The following SEL1L3 variants were observed in gnomAD, a reference collection of about 807,000 sequenced individuals.
SEL1L3 encodes the protein protein sel-1 homolog 3.
Under a neutral mutation model 142.8 loss-of-function variants are expected in SEL1L3, and 76 were observed. The ratio of observed to expected loss-of-function variants is 0.53; its 90% confidence interval spans 0.44 to 0.64. The LOEUF (loss-of-function observed/expected upper bound fraction) is 0.64. Among genes scored for constraint, SEL1L3 ranks in the 30% least tolerant of loss-of-function variants. The pLI, the probability that SEL1L3 is intolerant of heterozygous loss-of-function variation, is 0.00. For synonymous variants in SEL1L3, 504 were observed against 519.6 expected, an observed-to-expected ratio of 0.97 and a Z score of 0.41; for missense variants, 1,262 against 1,381.7, an observed-to-expected ratio of 0.91 and a Z score of 1.37.
intron 17 of SEL1L3, among the ~76,000 whole-genome samples, chr4:25,771,065 C>T (rs1006602505): frequency 2.0e-5 from 3 of 152,248 alleles, no homozygotes; most frequent in African/African-American, 7.2e-5. Context: ...CATATTTAGC[C>T]TTCTAGCACT....
intron 7 of SEL1L3, 60 bp from the exon 8 acceptor site, chr4:25,820,000 T>TA: frequency 6.7e-7 from 1 of 1,489,392 alleles, no homozygotes. Context: ...CATCCACCTC[T>TA]AGGAGGATGT....
chr4:25,791,555 C>T (rs1198246055), intron 11 of SEL1L3, among the ~76,000 whole-genome samples: 1 of 152,188 alleles, frequency 6.6e-6, no homozygotes, highest in Non-Finnish European at 1.5e-5. Flanking sequence ...CAAAGCCATG[C>T]CACAGGCAGA....
intron 2 of SEL1L3, among the ~76,000 whole-genome samples, chr4:25,842,820 C>T (rs189309969): frequency 1.1e-4 from 16 of 152,348 alleles, no homozygotes; most frequent in African/African-American, 3.8e-4. Flanking sequence ...CAGTGTGGGC[C>T]AGGAAATAGG....
At chr4:25,759,997 G>A (rs963455458) in intron 20 of SEL1L3, 2 of 152,058 alleles carry the variant, frequency 1.3e-5, no homozygotes, top group Admixed American at 6.6e-5. Context: ...CGTGTTATGG[G>A]GGTTTGTTGT....
the SEL1L3 span, among the ~76,000 whole-genome samples, chr4:25,741,160 A>C: frequency 6.7e-6 from 1 of 149,074 alleles, no homozygotes; most frequent in African/African-American, 2.5e-5. Flanking sequence ...ACTGGAGTGC[A>C]GTGGTGCGAT....
At position 25,795,890 on chromosome 4, in the gene SEL1L3, G is replaced by A. The variant is rs543835274; in HGVS notation, c.1957-5316C>T. ...TCCATTCATTCAAACAGTTTTGTGGGCAGGAAAAGCCGGGAAGAAGCTGTG... is the reference window on the plus strand; with the variant it reads ...TCCATTCATTCAAACAGTTTTGTGGACAGGAAAAGCCGGGAAGAAGCTGTG... On this transcript the variant is annotated intron_variant, in intron 11 of 23. Transcript: ENST00000399878. Among the ~76,000 whole-genome samples, 9 of 151,862 alleles carry A rather than the reference G, an allele frequency of 5.9e-5. 1 individual carries two copies. Among genetic ancestry groups the A allele is most frequent in the African/African-American group, 2.2e-4 (9 of 41,356 alleles).
intron 4 of SEL1L3, 124 bp downstream of exon 4, chr4:25,833,324 A>G: frequency 1.1e-6 from 1 of 908,780 alleles, no homozygotes; most frequent in Non-Finnish European, 1.7e-6. Flanking sequence ...CACATTTGGA[A>G]GTCATTGCTC....
At position 25,847,733 on chromosome 4, in the gene SEL1L3, T is replaced by A. The variant is rs1469150159; in HGVS notation, c.294A>T (p.Glu98Asp). Residue 98 changes from glutamate to aspartate, a missense_variant, in exon 2 of 24, where the codon GAA becomes GAT. By Grantham distance (45) the Glu-to-Asp change is conservative. Transcript: ENST00000399878. ...GAGAGCATAAATACTCAACCGAGAC[T>A]TCAGAAACGTTGCGAACGTTTCCTT... is the stretch of plus-strand genomic sequence containing the variant. Reference protein sequence around the residue: ...VFEGNVRNVSEVSVEYLCSQP... With the variant: ...VFEGNVRNVSDVSVEYLCSQP... 2 of 1,613,948 alleles carry A rather than the reference T, an allele frequency of 1.2e-6. No homozygotes were observed. The highest frequency in any genetic ancestry group is 1.1e-5 in the South Asian group (1 of 91,074).
chr4:25,757,815 T>G, intron 21 of SEL1L3, 25 bp from the exon 22 acceptor site: 1 of 1,540,456 alleles, frequency 6.5e-7, no homozygotes. Context: ...CAGGGCATCT[T>G]GACGTGTCAG....
intron 6 of SEL1L3, among the ~76,000 whole-genome samples, chr4:25,829,535 G>T (rs9993581): frequency 0.099 from 15,105 of 152,142 alleles, 2,433 homozygotes; most frequent in African/African-American, 0.34. Flanking sequence ...TAAAACCCAC[G>T]ATTATACGTG....
chr4:25,793,783 C>T (rs777458694), intron 11 of SEL1L3, among the ~76,000 whole-genome samples: 3 of 152,204 alleles, frequency 2.0e-5, no homozygotes, highest in Non-Finnish European at 4.4e-5. Context: ...TTCTTTTTCA[C>T]TGTGCAAAGA....
At chr4:25,826,819 A>G (rs938646168) in intron 6 of SEL1L3, among the ~76,000 whole-genome samples, 4 of 152,018 alleles carry the variant, frequency 2.6e-5, no homozygotes, top group African/African-American at 9.7e-5. Context: ...GCCCACCACC[A>G]TGCCCGGCTA....
Position 25,804,674 on chromosome 4 carries a change from A to G in SEL1L3, c.1643T>C (p.Ile548Thr), listed in dbSNP as rs754434856. ...AGAGCTAATTTGGTGAAGACCATCA[A>G]TGCTAGAGAGTCTCTTTACAGCCTT... is the stretch of plus-strand genomic sequence containing the variant. Reference protein sequence around the residue: ...FEKAVKRLSSIDGLHQISSIV... With the variant: ...FEKAVKRLSSTDGLHQISSIV... The change falls in exon 10 of 24, where the codon ATT becomes ACT. Residue 548 changes from isoleucine to threonine, a missense_variant. Transcript: ENST00000399878. 1.9e-6 allele frequency: 3 copies of G among 1,613,814 alleles called. No homozygotes were observed. The highest frequency in any genetic ancestry group is 2.5e-6 in the Non-Finnish European group (3 of 1,179,684).
In SEL1L3 at chr4:25,847,439, A is replaced by G. The variant is rs770156358; in HGVS notation, c.588T>C (p.His196=). 2.5e-6 allele frequency: 4 copies of G among 1,613,902 alleles called. No homozygotes were observed. Among genetic ancestry groups the G allele is most frequent in the Admixed American group, 1.7e-5 (1 of 60,008 alleles). ...GGAGGGTATAATTCTTTGCTACAGC[A>G]TGGAGCAAGTTTTCCTCCCATTTAA... ...WNVKWEENLL[H]AVAKNYTLLQ... Residue 196 remains histidine (H), a synonymous_variant, in exon 2 of 24, where the codon CAT becomes CAC. Transcript: ENST00000399878.
chr4:25,749,869 G>A (rs1214011534), intron 23 of SEL1L3, among the ~76,000 whole-genome samples: 1 of 152,202 alleles, frequency 6.6e-6, no homozygotes, highest in Non-Finnish European at 1.5e-5. Context: ...AACAGAAAAA[G>A]AGTAATATTT....
At position 25,748,527 on chromosome 4, in the gene SEL1L3, T is replaced by G. The variant is rs746855475; in HGVS notation, c.3297A>C (p.Pro1099=). 34 of 1,611,448 alleles carry G rather than the reference T, an allele frequency of 2.1e-5. No individual in the cohort carries two copies. The highest frequency in any genetic ancestry group is 1.6e-4 in the Middle Eastern group (1 of 6,082). The change falls in exon 24 of 24, where the codon CCA becomes CCC. Residue 1099 remains proline, a synonymous_variant. Coordinates refer to ENST00000399878, the MANE Select transcript of SEL1L3 (RefSeq NM_015187.5). The part of the protein sequence containing the change: ...DPPPRPSQAS[P]DTATSTASPA... ...GACTTGCAGTGGACGTGGCAGTGTC[T>G]GGGGAGGCCTGGGATGGTCTTGGAG...
In SEL1L3 at chr4:25,822,002, G is replaced by A. The variant is rs7676030; in HGVS notation, c.1284C>T (p.Pro428=). ...CCTGATCCCCTGGACTCACCTGGGC[G>A]GGGTGCAGACTGCGAAGGCGATAGT... The part of the protein sequence containing the change: ...LKYYRLRSLH[P]AQIFNPLLEK... The change falls in exon 7 of 24, where the codon CCC becomes CCT. Residue 428 remains proline, a synonymous_variant. Transcript: ENST00000399878. The A allele has an allele frequency of 0.028, 44,909 of 1,613,218 alleles. 1,014 individuals carry two copies. Among genetic ancestry groups the A allele is most frequent in the Middle Eastern group, 0.085 (506 of 5,984 alleles).
intron 1 of SEL1L3, among the ~76,000 whole-genome samples, chr4:25,858,176 C>G (rs967213219): frequency 6.6e-6 from 1 of 152,256 alleles, no homozygotes; most frequent in African/African-American, 2.4e-5. Context: ...CCTACCTGTC[C>G]TCTAGCTCTG....
At chr4:25,817,717 C>T (rs960385563) in intron 9 of SEL1L3, among the ~76,000 whole-genome samples, 5 of 152,118 alleles carry the variant, frequency 3.3e-5, no homozygotes, top group Non-Finnish European at 7.3e-5. Flanking sequence ...AGGAGAAAGG[C>T]CCAGTCTTGC....
Sources: allele counts gnomAD v4.1 joint callset (sites outside exome capture counted in the v4.1 genomes callset), GRCh38; gene constraint gnomAD v4.1.1; transcripts MANE v1.5; gene names NCBI Gene and HGNC (gene_info 2026-07-23, HGNC 2026-07-21).